FOXP2: variants seen among roughly 807,000 people sequenced by gnomAD.
FOXP2 encodes forkhead box P2.
In FOXP2, 12 loss-of-function variants were observed where a neutral mutation model predicts 115.8. That is an observed-to-expected ratio of 0.10 (90% CI 0.07 to 0.17). The LOEUF is 0.17. FOXP2 is among the 10% of genes least tolerant of loss of function. The pLI is 1.00. For missense variants in FOXP2, 629 were observed against 843.5 expected, an observed-to-expected ratio of 0.75 and a Z score of 3.15; for synonymous variants, 328 against 297.7, an observed-to-expected ratio of 1.10 and a Z score of -1.05.
upstream of FOXP2, chr7:114,414,635 T>C (rs1294743579): frequency 1.2e-5 from 2 of 163,952 alleles, no homozygotes; most frequent in African/African-American, 2.4e-5. Context: ...TTGATGTGCA[T>C]TGAAGATTAT....
intron 2 of FOXP2, among the ~76,000 whole-genome samples, chr7:114,407,584 T>G (rs2129197958): frequency 6.6e-6 from 1 of 152,236 alleles, no homozygotes; most frequent in African/African-American, 2.4e-5. Flanking sequence ...TAAATCAGCC[T>G]TTTGAACAAT....
intron 7 of FOXP2, among the ~76,000 whole-genome samples, 185 bp downstream of exon 7, chr7:114,642,808 A>ATTTTTT (rs1470050405): frequency 1.2e-4 from 7 of 58,472 alleles, no homozygotes; most frequent in Admixed American, 4.6e-4. Context: ...ATATATATAT[A>ATTTTTT]TATATTTTTT....
At chr7:114,333,824 G>A (rs1048237221) in intron 2 of FOXP2, among the ~76,000 whole-genome samples, 8 of 151,994 alleles carry the variant, frequency 5.3e-5, no homozygotes, top group African/African-American at 1.7e-4. Flanking sequence ...GTAGGCATAG[G>A]GTGCATTGAG....
chr7:114,680,566 A>G (rs1234148829), intron 16 of FOXP2, among the ~76,000 whole-genome samples: 1 of 152,146 alleles, frequency 6.6e-6, no homozygotes, highest in African/African-American at 2.4e-5. Context: ...TTAGGTGCCC[A>G]GTAAATAAAT....
chr7:114,185,661 C>T (rs1793575500), intron 1 of FOXP2, among the ~76,000 whole-genome samples: 1 of 152,122 alleles, frequency 6.6e-6, no homozygotes, highest in South Asian at 2.1e-4. Flanking sequence ...CACACCTCTC[C>T]TTCAGGGAAA....
chr7:114,316,694 C>G (rs1279281689), intron 2 of FOXP2, among the ~76,000 whole-genome samples: 1 of 151,946 alleles, frequency 6.6e-6, no homozygotes, highest in Non-Finnish European at 1.5e-5. Context: ...AATGCAAAAG[C>G]CTAGGAGAGT....
intron 8 of FOXP2, among the ~76,000 whole-genome samples, chr7:114,649,514 A>G (rs1806116181): frequency 6.6e-6 from 1 of 152,144 alleles, no homozygotes; most frequent in Admixed American, 6.6e-5. Context: ...ATTTTTGAAC[A>G]GTAATATGTA....
At chr7:114,359,887 T>C (rs915212409) in intron 2 of FOXP2, among the ~76,000 whole-genome samples, 1 of 152,110 alleles carries the variant, frequency 6.6e-6, no homozygotes, top group Non-Finnish European at 1.5e-5. Flanking sequence ...CTGTGGACTT[T>C]TGAGTTAATG....
chr7:114,593,004 G>A (rs1250219795), intron 3 of FOXP2, among the ~76,000 whole-genome samples: 3 of 151,872 alleles, frequency 2.0e-5, no homozygotes, highest in Admixed American at 6.6e-5. Context: ...TATTCACACA[G>A]TTCCTTGGCT....
chr7:114,691,129 G>T lies in FOXP2; in HGVS notation c.*1203G>T, dbSNP rs1439606948. 11 of 453,876 alleles carry T rather than the reference G, an allele frequency of 2.4e-5. No homozygotes were observed. Among genetic ancestry groups the T allele is most frequent in the Non-Finnish European group, 4.9e-5 (11 of 226,754 alleles). 28.1% of individuals were successfully genotyped at this position (453,876 alleles called of 1,614,324 possible). A position where few individuals can be genotyped will look rare whatever the true frequency, so the allele number is the denominator to read the frequency against. ...TTGATGCAAATGCAGATTGCATATT[G>T]TTATATATATAGTACTTTGTGTTTT... On this transcript the variant is annotated 3_prime_UTR_variant, in exon 17 of 17. Transcript: ENST00000350908.
At chr7:114,445,314 T>G (rs1274515597) in intron 2 of FOXP2, among the ~76,000 whole-genome samples, 1 of 152,168 alleles carries the variant, frequency 6.6e-6, no homozygotes, top group African/African-American at 2.4e-5. Context: ...TTTTATTCCC[T>G]GTAAATAACA....
At chr7:114,251,410 T>G (rs1357738779) in intron 1 of FOXP2, among the ~76,000 whole-genome samples, 1 of 152,232 alleles carries the variant, frequency 6.6e-6, no homozygotes, top group Non-Finnish European at 1.5e-5. Context: ...TTCATTATAT[T>G]GATTCTTCCT....
intron 2 of FOXP2, among the ~76,000 whole-genome samples, chr7:114,322,547 G>A (rs531814464): frequency 6.6e-6 from 1 of 152,046 alleles, no homozygotes; most frequent in South Asian, 2.1e-4. Flanking sequence ...CAGCATTAAA[G>A]CACATATAGT....
intron 2 of FOXP2, among the ~76,000 whole-genome samples, chr7:114,384,178 T>C (rs1175365414): frequency 1.3e-5 from 2 of 152,082 alleles, no homozygotes; most frequent in African/African-American, 4.8e-5. Flanking sequence ...AAGAAAGCGG[T>C]CCGGGCTGCT....
chr7:114,102,467 A>T (rs1029500603), intron 1 of FOXP2, among the ~76,000 whole-genome samples: 4 of 152,032 alleles, frequency 2.6e-5, no homozygotes, highest in African/African-American at 4.8e-5. Flanking sequence ...GTTATGGACA[A>T]TACCTAAATG....
chr7:114,087,626 G>A (rs555765061), upstream of FOXP2: 1 of 147,242 alleles, frequency 6.8e-6, no homozygotes. Flanking sequence ...CACGTGCGGC[G>A]GCGGCGGCGG....
At chr7:114,249,932 A>T (rs1224210191) in intron 1 of FOXP2, among the ~76,000 whole-genome samples, 1 of 150,432 alleles carries the variant, frequency 6.6e-6, no homozygotes, top group Non-Finnish European at 1.5e-5. Context: ...ATATCTCCTA[A>T]TGCTATCCCT....
chr7:114,605,344 A>C (rs1215298007), intron 3 of FOXP2, among the ~76,000 whole-genome samples: 1 of 152,228 alleles, frequency 6.6e-6, no homozygotes, highest in Non-Finnish European at 1.5e-5. Flanking sequence ...ATCATAAAAC[A>C]GTATTTACAT....
At chr7:114,563,894 A>G (rs12532920) in intron 3 of FOXP2, among the ~76,000 whole-genome samples, 31,338 of 151,902 alleles carry the variant, frequency 0.21, 4,354 homozygotes, top group African/African-American at 0.4. Context: ...CACTCAGGTA[A>G]TCGTCAAATC....
Sources: gnomAD v4.1 joint callset for allele counts (sites outside exome capture counted in the v4.1 genomes callset) on GRCh38, gnomAD v4.1.1 for gene constraint, MANE v1.5 for transcripts, NCBI Gene and HGNC (gene_info 2026-07-23, HGNC 2026-07-21) for gene names.